The following CDH4 variants were observed in gnomAD, a reference collection of about 807,000 sequenced individuals.
CDH4 encodes cadherin-4.
Under a neutral mutation model 86.0 loss-of-function variants are expected in CDH4, and 33 were observed. The observed-to-expected ratio is 0.38, with a 90% CI of 0.29 to 0.51. The LOEUF is 0.51. Ranked by LOEUF, CDH4 falls within the 20% of genes least tolerant of loss-of-function variation. The pLI, the probability that CDH4 is intolerant of heterozygous loss-of-function variation, is 0.86. For missense variants in CDH4, 1,114 were observed against 1,307.4 expected (o/e 0.85, Z 2.28); for synonymous variants, 555 against 549.4 (o/e 1.01, Z -0.14).
intron 9 of CDH4, among the ~76,000 whole-genome samples, chr20:61,920,054 C>T (rs1437289378): frequency 3.1e-3 from 24 of 7,798 alleles, no homozygotes; most frequent in African/African-American, 5.3e-3. Flanking sequence ...AGCATGGTAT[C>T]GTGATTGTGT....
intron 2 of CDH4, among the ~76,000 whole-genome samples, chr20:61,299,723 G>A (rs575735775): frequency 1.8e-4 from 27 of 152,262 alleles, no homozygotes; most frequent in African/African-American, 3.4e-4. Flanking sequence ...CCTGCAGGCC[G>A]GGCTGTCATC....
At chr20:61,297,278 C>T (rs1215114124) in intron 2 of CDH4, among the ~76,000 whole-genome samples, 1 of 152,078 alleles carries the variant, frequency 6.6e-6, no homozygotes, top group Non-Finnish European at 1.5e-5. Flanking sequence ...CCCAGCTACT[C>T]GGGAGGCTGA....
intron 3 of CDH4, among the ~76,000 whole-genome samples, chr20:61,750,818 C>A (rs2088483605): frequency 6.6e-6 from 1 of 152,182 alleles, no homozygotes; most frequent in African/African-American, 2.4e-5. Flanking sequence ...AATAGTTGTA[C>A]TTCTATGTAC....
At chr20:61,704,420 T>C (rs947007640) in intron 2 of CDH4, among the ~76,000 whole-genome samples, 1 of 152,174 alleles carries the variant, frequency 6.6e-6, no homozygotes, top group Non-Finnish European at 1.5e-5. Context: ...TCGTTAAAGC[T>C]GGAACCTGCT....
chr20:61,779,303 T>C, intron 4 of CDH4, among the ~76,000 whole-genome samples: 1 of 152,172 alleles, frequency 6.6e-6, no homozygotes, highest in South Asian at 2.1e-4. Context: ...TGGCAGTTGA[T>C]ATTTTAGAAG....
chr20:61,345,241 A>G (rs1158951997), intron 2 of CDH4, among the ~76,000 whole-genome samples: 1 of 152,228 alleles, frequency 6.6e-6, no homozygotes, highest in East Asian at 1.9e-4. Flanking sequence ...TGTAAAAGTC[A>G]TATTTCCACC....
chr20:61,546,431 C>G (rs565097735), intron 2 of CDH4, among the ~76,000 whole-genome samples: 2 of 151,764 alleles, frequency 1.3e-5, no homozygotes, highest in East Asian at 3.9e-4. Flanking sequence ...GATGCCCACA[C>G]TTTGTGTTAG....
chr20:61,488,739 C>T (rs1390300302), intron 2 of CDH4, among the ~76,000 whole-genome samples: 3 of 152,144 alleles, frequency 2.0e-5, no homozygotes, highest in Non-Finnish European at 4.4e-5. Context: ...GTTTTTAGAA[C>T]TAAGCATGCT....
At position 61,708,117 on chromosome 20, in the gene CDH4, G is replaced by A. The variant is rs530132081; in HGVS notation, c.170-35446G>A. Among the ~76,000 whole-genome samples, 21 of 152,220 alleles carry A rather than the reference G, an allele frequency of 1.4e-4. No individual in the cohort carries two copies. Among genetic ancestry groups the A allele is most frequent in the African/African-American group, 3.9e-4 (16 of 41,542 alleles). The stretch of plus-strand genomic sequence containing the variant: ...TCCCGGGCTGTGGCGCGTCTCCCTG[G>A]GCATAGCCATCACCCAGCACAGCAG... On this transcript the variant is annotated intron_variant, in intron 2 of 15. Transcript: ENST00000614565. The surrounding 1 kb of genome is among the most constrained non-coding windows in gnomAD (Gnocchi z 4.5).
chr20:61,725,264 G>A lies in CDH4; in HGVS notation c.170-18299G>A, dbSNP rs186008853. Among the ~76,000 whole-genome samples, 15 of 152,300 alleles carry A rather than the reference G, an allele frequency of 9.8e-5. No individual in the cohort carries two copies. The East Asian group carries it at 1.2e-3, about 12-fold the overall frequency. On this transcript the variant is annotated intron_variant, in intron 2 of 15. Transcript: ENST00000614565. ...ACCGTCCACCTGCACACACCGCAGCGTAGGAAGGGCCTTGCCCCGCACACA... is the reference window on the plus strand; with the variant it reads ...ACCGTCCACCTGCACACACCGCAGCATAGGAAGGGCCTTGCCCCGCACACA...
At chr20:61,745,270 A>G (rs766818285) in intron 3 of CDH4, among the ~76,000 whole-genome samples, 1 of 152,200 alleles carries the variant, frequency 6.6e-6, no homozygotes, top group Non-Finnish European at 1.5e-5. Context: ...CCAGTCTGCA[A>G]GTTTCCCCAA....
intron 2 of CDH4, among the ~76,000 whole-genome samples, chr20:61,553,197 G>A (rs1361199769): frequency 2.0e-5 from 3 of 152,218 alleles, no homozygotes; most frequent in Non-Finnish European, 4.4e-5. Flanking sequence ...CCCATGTACT[G>A]TATGATTCCA....
At chr20:61,292,947 C>T (rs2084331173) in intron 2 of CDH4, among the ~76,000 whole-genome samples, 1 of 152,206 alleles carries the variant, frequency 6.6e-6, no homozygotes, top group Non-Finnish European at 1.5e-5. Context: ...CTGCCTGTTT[C>T]AGATGCTGTC....
At chr20:61,752,506 C>T (rs1332622368) in intron 3 of CDH4, among the ~76,000 whole-genome samples, 1 of 152,168 alleles carries the variant, frequency 6.6e-6, no homozygotes, top group Non-Finnish European at 1.5e-5. Flanking sequence ...GTCAAATATA[C>T]ATATGCCTCG....
chr20:61,895,191 G>A (rs952761070), intron 8 of CDH4, 144 bp downstream of exon 8: 1 of 1,011,320 alleles, frequency 9.9e-7, no homozygotes, highest in Non-Finnish European at 1.5e-6. Flanking sequence ...GGGCAGCGGA[G>A]GCTGCTGTGT....
At chr20:61,416,360 C>A (rs894677304) in intron 2 of CDH4, among the ~76,000 whole-genome samples, 2 of 152,186 alleles carry the variant, frequency 1.3e-5, no homozygotes, top group African/African-American at 4.8e-5. Context: ...TTCTGTTTAT[C>A]CCCTCATTCA....
intron 5 of CDH4, among the ~76,000 whole-genome samples, chr20:61,850,676 G>A (rs528365613): frequency 5.9e-5 from 9 of 152,342 alleles, no homozygotes; most frequent in South Asian, 2.1e-4. Context: ...TGCACTCTGC[G>A]CCTGACGCTC....
At chr20:61,532,023 C>T (rs2085958476) in intron 2 of CDH4, among the ~76,000 whole-genome samples, 1 of 152,256 alleles carries the variant, frequency 6.6e-6, no homozygotes, top group Non-Finnish European at 1.5e-5. Flanking sequence ...CGGCCAGTCT[C>T]ATAGAAGTGG....
intron 4 of CDH4, among the ~76,000 whole-genome samples, chr20:61,796,794 G>A (rs1053578224): frequency 6.6e-6 from 1 of 152,198 alleles, no homozygotes; most frequent in South Asian, 2.1e-4. Flanking sequence ...CTAGAAACTG[G>A]AGTATGTGAG....
Sources: allele counts gnomAD v4.1 joint callset (sites outside exome capture counted in the v4.1 genomes callset), GRCh38; gene constraint gnomAD v4.1.1; non-coding constraint Gnocchi (gnomAD v3.1); transcripts MANE v1.5; gene names NCBI Gene and HGNC (gene_info 2026-07-23, HGNC 2026-07-21).